Variants in LIN9 observed in about 807,000 individuals in gnomAD.
LIN9 encodes lin-9 DREAM MuvB core complex component.
A neutral mutation model predicts 78.0 loss-of-function variants in LIN9; 18 were observed. The observed-to-expected ratio is 0.23, with a 90% CI of 0.16 to 0.34. LIN9 has a LOEUF of 0.34. Ranked by LOEUF, LIN9 falls within the 10% of genes least tolerant of loss-of-function variation. The pLI, the probability that LIN9 is intolerant of heterozygous loss-of-function variation, is 1.00. For missense variants in LIN9, 451 were observed against 644.1 expected (o/e 0.70, Z 3.25); for synonymous variants, 192 against 215.2 (o/e 0.89, Z 0.94).
chr1:226,248,276 C>T (rs1658609972), intron 11 of LIN9, among the ~76,000 whole-genome samples: 1 of 152,162 alleles, frequency 6.6e-6, no homozygotes, highest in South Asian at 2.1e-4. Flanking sequence ...CTCACTTCTG[C>T]ACTTCATCAT....
chr1:226,245,223 T>A (rs1658394331), intron 11 of LIN9, among the ~76,000 whole-genome samples: 1 of 152,180 alleles, frequency 6.6e-6, no homozygotes, highest in Admixed American at 6.5e-5. Flanking sequence ...AAATAAACTG[T>A]CAATTTTTGT....
intron 8 of LIN9, 98 bp downstream of exon 8, chr1:226,267,858 TA>T: frequency 1.6e-6 from 2 of 1,266,004 alleles, no homozygotes; most frequent in Non-Finnish European, 2.2e-6. Context: ...CTCTGTGAGA[TA>T]AAGTCTTGAT....
chr1:226,248,250 C>T (rs777212209), intron 11 of LIN9, among the ~76,000 whole-genome samples: 2 of 152,128 alleles, frequency 1.3e-5, no homozygotes, highest in Non-Finnish European at 2.9e-5. Flanking sequence ...AATTAATTGC[C>T]TTTTAAAATA....
Position 226,232,779 on chromosome 1 carries a change from T to C in LIN9, c.1524-173A>G, listed in dbSNP as rs1657422528. The stretch of plus-strand genomic sequence containing the variant: ...TACTTCAGTAGTAGTTGAACAAATA[T>C]GCTCTAAAGAAGCAAAGGAGCCACG... On this transcript the variant is annotated intron_variant, in intron 14 of 14. Coordinates refer to ENST00000681046, the MANE Select transcript of LIN9 (RefSeq NM_001366245.2). 4 of 512,586 alleles carry C rather than the reference T, an allele frequency of 7.8e-6. No individual in the cohort carries two copies. The South Asian group carries it at 1.3e-4, about 17-fold the overall frequency. The allele number at this position is 512,586 out of a possible 1,614,324, so 31.8% of individuals were successfully genotyped here. A position where few individuals can be genotyped will look rare whatever the true frequency, so the allele number is the denominator to read the frequency against.
At chr1:226,252,942 G>A (rs1576294401) in intron 10 of LIN9, among the ~76,000 whole-genome samples, 1 of 151,842 alleles carries the variant, frequency 6.6e-6, no homozygotes, top group East Asian at 1.9e-4. Context: ...CTCCAGCCTG[G>A]GGGACAAGAG....
At chr1:226,308,185 C>G (rs2615804) in intron 1 of LIN9, among the ~76,000 whole-genome samples, 1 of 152,064 alleles carries the variant, frequency 6.6e-6, no homozygotes, top group South Asian at 2.1e-4. Context: ...ACATATTTGT[C>G]TTTTCATATA....
chr1:226,305,400 G>A (rs574808044), intron 1 of LIN9, among the ~76,000 whole-genome samples: 2 of 147,064 alleles, frequency 1.4e-5, no homozygotes, highest in South Asian at 2.2e-4. Flanking sequence ...GACTGATGCC[G>A]GAGGATCTCC....
At position 226,277,885 on chromosome 1, in the gene LIN9, TTC is replaced by T; in HGVS notation, c.570_571del (p.Lys191ThrfsTer24). On this transcript the variant is annotated frameshift_variant, in exon 7 of 15. Transcript: ENST00000681046. LOFTEE classifies it high-confidence loss of function. ...TTGTAAGAGCCTTATTTTCTGCCGT[TTC>T]TGTTTTAATGCTGATCTCTCTTCCT... is the stretch of plus-strand genomic sequence containing the variant. 6.2e-7 allele frequency: 1 copy of T among 1,613,798 alleles called. No individual in the cohort carries two copies. The highest frequency in any genetic ancestry group is 8.5e-7 in the Non-Finnish European group (1 of 1,179,848).
intron 1 of LIN9, among the ~76,000 whole-genome samples, chr1:226,308,194 TA>T (rs915393116): frequency 7.2e-5 from 11 of 152,230 alleles, no homozygotes; most frequent in Admixed American, 5.9e-4. Context: ...TCTTTTCATA[TA>T]ATTTATGCAA....
chr1:226,235,839 T>C (rs889798482), intron 12 of LIN9, among the ~76,000 whole-genome samples: 2 of 152,238 alleles, frequency 1.3e-5, no homozygotes, highest in African/African-American at 2.4e-5. Flanking sequence ...TCCTACCCCA[T>C]TCCCAAATTA....
chr1:226,299,742 G>A (rs952472744), intron 2 of LIN9, among the ~76,000 whole-genome samples: 1 of 151,976 alleles, frequency 6.6e-6, no homozygotes, highest in African/African-American at 2.4e-5. Context: ...CAAATTTATT[G>A]ACCTACCAGA....
In LIN9 at chr1:226,286,451, A is replaced by G. The variant is rs752218665; in HGVS notation, c.406T>C (p.Phe136Leu). The G allele has an allele frequency of 1.6e-5, 25 of 1,578,376 alleles. No homozygotes were observed. Among genetic ancestry groups the G allele is most frequent in the Admixed American group, 5.4e-5 (3 of 55,488 alleles). Residue 136 changes from phenylalanine to leucine, a missense_variant, in exon 6 of 15, where the codon TTT becomes CTT. Physicochemically the swap from Phe to Leu is conservative, Grantham distance 22. Transcript: ENST00000681046. Reference protein sequence around the residue: ...WFYSNIDKPLFEGDNDFCVCL... With the variant: ...WFYSNIDKPLLEGDNDFCVCL... The stretch of plus-strand genomic sequence containing the variant: ...ACACAGAAGTCATTATCACCTTCAA[A>G]AAGTGGTCTGTAAAACAGATATAGT...
chr1:226,254,464 G>A (rs1659058618), intron 10 of LIN9, among the ~76,000 whole-genome samples: 1 of 152,082 alleles, frequency 6.6e-6, no homozygotes, highest in Admixed American at 6.5e-5. Context: ...AGTGGAAGTA[G>A]TATTTTAACT....
chr1:226,287,242 T>C (rs1485557015), intron 5 of LIN9, among the ~76,000 whole-genome samples: 2 of 152,228 alleles, frequency 1.3e-5, no homozygotes, highest in Non-Finnish European at 2.9e-5. Context: ...CCTAGCGTGC[T>C]TAAGTACCAC....
chr1:226,263,517 T>C (rs1319305320), intron 10 of LIN9, among the ~76,000 whole-genome samples: 2 of 152,124 alleles, frequency 1.3e-5, no homozygotes, highest in African/African-American at 4.8e-5. Context: ...TATTTAGACA[T>C]AGTGTAGTAG....
intron 2 of LIN9, 90 bp downstream of exon 2, chr1:226,301,083 C>G: frequency 1.1e-6 from 1 of 908,014 alleles, no homozygotes; most frequent in South Asian, 2.0e-5. Flanking sequence ...TGAATCATAA[C>G]TTAGAAGGAA....
rs141248934 is a variant in LIN9, at chr1:226,303,803, C to T, written c.32-2598G>A. ...TGTATTTTTAGTAGAGACAGGGTTT[C>T]GCCATGTTGGCCAGGCTGGTCTCGA... On this transcript the variant is annotated intron_variant, in intron 1 of 14. Coordinates refer to ENST00000681046, the MANE Select transcript of LIN9 (RefSeq NM_001366245.2). Among the ~76,000 whole-genome samples, 641 of 152,250 alleles carry T rather than the reference C, an allele frequency of 4.2e-3. 6 individuals are homozygous for T. Among genetic ancestry groups the T allele is most frequent in the African/African-American group, 0.015 (611 of 41,560 alleles).
At position 226,232,610 on chromosome 1, in the gene LIN9, A is replaced by C; in HGVS notation, c.1524-4T>G. On this transcript the variant is annotated splice_region_variant and splice_polypyrimidine_tract_variant and intron_variant, in intron 14 of 14. Coordinates refer to ENST00000681046, the MANE Select transcript of LIN9 (RefSeq NM_001366245.2). The stretch of plus-strand genomic sequence containing the variant: ...TTCTACATTATTCTGAAAGCAACTA[A>C]AGAAAGAAGAAACATGGTTAACTAC... 1 of 1,561,040 alleles carries C rather than the reference A, an allele frequency of 6.4e-7. No individual in the cohort carries two copies. Among genetic ancestry groups the C allele is most frequent in the South Asian group, 1.2e-5 (1 of 84,638 alleles).
chr1:226,297,410 T>C (rs764077244), intron 3 of LIN9, among the ~76,000 whole-genome samples: 11 of 152,200 alleles, frequency 7.2e-5, no homozygotes, highest in Admixed American at 5.2e-4. Flanking sequence ...TTACCACATA[T>C]ATATATTTTT....
Sources: gnomAD v4.1 joint callset for allele counts (sites outside exome capture counted in the v4.1 genomes callset) on GRCh38, gnomAD v4.1.1 for gene constraint, MANE v1.5 for transcripts, NCBI Gene and HGNC (gene_info 2026-07-23, HGNC 2026-07-21) for gene names.